The following KLHL41 variants were observed in gnomAD, a reference collection of about 807,000 sequenced individuals.
KLHL41 encodes kelch like family member 41.
KLHL41 carries 31 observed loss-of-function variants against 49.2 expected under a neutral mutation model. The ratio of observed to expected loss-of-function variants is 0.63; its 90% CI spans 0.47 to 0.85. The LOEUF (loss-of-function observed/expected upper bound fraction) is 0.85. Ranked by LOEUF, KLHL41 falls within the 40% of genes least tolerant of loss-of-function variation. The pLI is 0.00. For synonymous variants in KLHL41, 218 were observed against 258.5 expected (o/e 0.84, Z 1.50); for missense variants, 663 against 726.7 (o/e 0.91, Z 1.01).
At chr2:169,522,432 G>A (rs1684216916) in intron 5 of KLHL41, among the ~76,000 whole-genome samples, 1 of 152,160 alleles carries the variant, frequency 6.6e-6, no homozygotes, top group Admixed American at 6.5e-5. Flanking sequence ...GGAGCAAAGA[G>A]GCTAGAATTA....
At chr2:169,515,000 C>A in intron 3 of KLHL41, 39 bp downstream of exon 3, 13 of 1,183,814 alleles carry the variant, frequency 1.1e-5, no homozygotes, top group Non-Finnish European at 1.6e-5. Context: ...GTCTAAATGA[C>A]TTTTTATTAG....
intron 5 of KLHL41, among the ~76,000 whole-genome samples, chr2:169,524,089 A>ATAAC (rs1437402346): frequency 6.6e-6 from 1 of 152,158 alleles, no homozygotes; most frequent in Non-Finnish European, 1.5e-5. Flanking sequence ...GAAAGTAAAT[A>ATAAC]TAACTGCCAG....
chr2:169,521,653 A>C (rs747097409), intron 5 of KLHL41, among the ~76,000 whole-genome samples: 1 of 152,224 alleles, frequency 6.6e-6, no homozygotes, highest in Non-Finnish European at 1.5e-5. Context: ...TCAATCTCCC[A>C]AAGTGCTAGG....
chr2:169,524,336 C>T (rs1684264022), intron 5 of KLHL41, among the ~76,000 whole-genome samples: 1 of 151,420 alleles, frequency 6.6e-6, no homozygotes, highest in African/African-American at 2.4e-5. Flanking sequence ...GAAATTAAGT[C>T]AGAGCATGTC....
rs549277644 is a variant in KLHL41, at chr2:169,523,617, A to C, written c.1710-1968A>C. On this transcript the variant is annotated intron_variant, in intron 5 of 5. Transcript: ENST00000284669. ...TCCTGATGCCCAGGCCACCCTTCAT[A>C]CCAATTAACTCAATCTCTGAGAGTA... Among the ~76,000 whole-genome samples, 3 of 152,236 alleles carry C rather than the reference A, an allele frequency of 2.0e-5. No individual in the cohort carries two copies. The South Asian group carries it at 6.2e-4, about 32-fold the overall frequency.
At chr2:169,524,418 C>CTTTTTT (rs113248017) in intron 5 of KLHL41, among the ~76,000 whole-genome samples, 21 of 116,014 alleles carry the variant, frequency 1.8e-4, no homozygotes, top group South Asian at 2.9e-4. Flanking sequence ...TGGGGTAAAT[C>CTTTTTT]TTTTTTTTTT....
chr2:169,517,608 A>C (rs979072231), intron 3 of KLHL41, among the ~76,000 whole-genome samples: 12 of 152,380 alleles, frequency 7.9e-5, no homozygotes, highest in African/African-American at 2.9e-4. Context: ...AATTCAGATG[A>C]GTCCAGGTCT....
chr2:169,524,812 A>G (rs1375272360), intron 5 of KLHL41, among the ~76,000 whole-genome samples: 1 of 152,058 alleles, frequency 6.6e-6, no homozygotes, highest in Non-Finnish European at 1.5e-5. Context: ...GGGAATTAAA[A>G]TGGAGTGATA....
chr2:169,514,789 A>G (rs1684088211), intron 2 of KLHL41, 58 bp downstream of exon 2: 1 of 1,596,152 alleles, frequency 6.3e-7, no homozygotes, highest in Non-Finnish European at 8.6e-7. Flanking sequence ...TGCCTACAAC[A>G]TATTCATATT....
intron 3 of KLHL41, 50 bp from the exon 4 acceptor site, chr2:169,518,140 G>T: frequency 2.2e-6 from 3 of 1,336,386 alleles, no homozygotes; most frequent in South Asian, 1.3e-5. Flanking sequence ...ATTAGTGAAG[G>T]TGCTGTCAAA....
In KLHL41 at chr2:169,509,786, C is replaced by T. The variant is rs28730867; in HGVS notation, c.8C>T (p.Ser3Phe). MDSQRELAEELRL... is the reference protein window; with the variant it reads MDFQRELAEELRL... The stretch of plus-strand genomic sequence containing the variant: ...ACCCAGGTTTCTCACAGAATGGATT[C>T]CCAGCGGGAACTTGCAGAGGAACTG... Residue 3 changes from serine to phenylalanine, a missense_variant, in exon 1 of 6, where the codon TCC (serine) becomes TTC (phenylalanine). Ser to Phe is a radical substitution (Grantham distance 155). Coordinates refer to ENST00000284669, the MANE Select transcript of KLHL41 (RefSeq NM_006063.3). 0.014 allele frequency: 22,328 copies of T among 1,609,052 alleles called. 206 individuals carry two copies. Among genetic ancestry groups the T allele is most frequent in the Non-Finnish European group, 0.017 (19,697 of 1,178,886 alleles).
rs1261310288 is a variant in KLHL41 at position 169,521,953 on chromosome 2, A to G, written c.1709+946A>G. ...TGTTTTTATTTTATTTTGAACTGAG[A>G]TCGCGCCACTGCACTCCAGCCTCAG... On this transcript the variant is annotated intron_variant, in intron 5 of 5. Transcript: ENST00000284669. Among the ~76,000 whole-genome samples the G allele has an allele frequency of 3.3e-5, 5 of 151,860 alleles. No individual in the cohort carries two copies. In the East Asian group the frequency reaches 9.6e-4, roughly 29 times the overall value.
intron 5 of KLHL41, among the ~76,000 whole-genome samples, chr2:169,523,708 G>C (rs1684237720): frequency 6.6e-6 from 1 of 152,124 alleles, no homozygotes; most frequent in South Asian, 2.1e-4. Flanking sequence ...TTGAGAACCT[G>C]TAATCTACTA....
At chr2:169,514,539 C>G in intron 1 of KLHL41, 35 bp from the exon 2 acceptor site, 1 of 1,572,652 alleles carries the variant, frequency 6.4e-7, no homozygotes, top group Non-Finnish European at 8.6e-7. Context: ...TTTTTTCTAA[C>G]AGGCTCCACA....
intron 5 of KLHL41, 39 bp downstream of exon 5, chr2:169,521,046 A>G: frequency 6.3e-7 from 1 of 1,578,126 alleles, no homozygotes; most frequent in Non-Finnish European, 8.7e-7. Flanking sequence ...ATCACATATT[A>G]AATCAGATGA....
chr2:169,521,243 G>A (rs1684199181), intron 5 of KLHL41, among the ~76,000 whole-genome samples: 1 of 152,166 alleles, frequency 6.6e-6, no homozygotes, highest in African/African-American at 2.4e-5. Context: ...GTTTCTTACT[G>A]TAAAATGAGA....
intron 4 of KLHL41, among the ~76,000 whole-genome samples, chr2:169,520,152 C>CTG (rs59155387): frequency 0.013 from 1,363 of 105,002 alleles, 31 homozygotes; most frequent in African/African-American, 0.016. Flanking sequence ...AGGCCTAGCT[C>CTG]TGTGTGTGTG....
intron 4 of KLHL41, among the ~76,000 whole-genome samples, chr2:169,518,772 T>G (rs1465948761): frequency 6.6e-6 from 1 of 152,216 alleles, no homozygotes; most frequent in Non-Finnish European, 1.5e-5. Context: ...CTCAAACTCC[T>G]GGGCTCAGGT....
chr2:169,512,955 T>A (rs1684051003), intron 1 of KLHL41, among the ~76,000 whole-genome samples: 1 of 152,130 alleles, frequency 6.6e-6, no homozygotes, highest in African/African-American at 2.4e-5. Flanking sequence ...TTTGAACAGG[T>A]CTTAAAGTAA....
Sources: allele counts gnomAD v4.1 joint callset (sites outside exome capture counted in the v4.1 genomes callset), GRCh38; gene constraint gnomAD v4.1.1; transcripts MANE v1.5; gene names NCBI Gene and HGNC (gene_info 2026-07-23, HGNC 2026-07-21).